The following ADGRL2 variants were observed in gnomAD, a reference collection of about 807,000 sequenced individuals.
ADGRL2 encodes calcium-independent alpha-latrotoxin receptor 2.
ADGRL2 carries 44 observed loss-of-function variants against 157.4 expected under a neutral mutation model. The ratio of observed to expected loss-of-function variants is 0.28; its 90% CI spans 0.22 to 0.36. The LOEUF (loss-of-function observed/expected upper bound fraction) is 0.36, where lower values mean the gene tolerates loss of function less well. Among genes scored for constraint, ADGRL2 ranks in the 10% least tolerant of loss-of-function variants. The pLI is 1.00. For synonymous variants in ADGRL2, 585 were observed against 624.7 expected, an observed-to-expected ratio of 0.94 and a Z score of 0.95; for missense variants, 1,510 against 1,768.9, an observed-to-expected ratio of 0.85 and a Z score of 2.63.
chr1:81,654,503 A>C (rs1243119362), intron 3 of ADGRL2, among the ~76,000 whole-genome samples: 6 of 152,084 alleles, frequency 3.9e-5, no homozygotes, highest in Admixed American at 3.9e-4. Context: ...TAAAAGACAA[A>C]TCTTTCTCAA....
intron 2 of ADGRL2, among the ~76,000 whole-genome samples, chr1:81,535,995 TAC>T (rs1472106314): frequency 2.6e-5 from 4 of 152,214 alleles, no homozygotes; most frequent in Non-Finnish European, 4.4e-5. Flanking sequence ...AAGTCATATT[TAC>T]ACAGATTCAA....
chr1:81,904,278 T>G, intron 2 of ADGRL2, among the ~76,000 whole-genome samples: 1 of 152,302 alleles, frequency 6.6e-6, no homozygotes, highest in Non-Finnish European at 1.5e-5. Flanking sequence ...AAGATTAATA[T>G]ATCTGCATAT....
intron 2 of ADGRL2, among the ~76,000 whole-genome samples, chr1:81,543,623 G>A (rs1172340605): frequency 6.6e-6 from 1 of 152,058 alleles, no homozygotes; most frequent in African/African-American, 2.4e-5. Context: ...CTTTCACTGG[G>A]TTACTACGAT....
intron 2 of ADGRL2, among the ~76,000 whole-genome samples, chr1:81,838,523 A>C (rs1288897842): frequency 1.3e-5 from 2 of 152,034 alleles, no homozygotes; most frequent in Admixed American, 1.3e-4. Flanking sequence ...TAATAATATA[A>C]ATTTCTGGCT....
intron 1 of ADGRL2, among the ~76,000 whole-genome samples, chr1:81,392,205 A>G (rs933306835): frequency 8.4e-5 from 11 of 131,078 alleles, no homozygotes; most frequent in African/African-American, 1.3e-4. Flanking sequence ...TGCCTCTCAC[A>G]CTTCCTCCTA....
At chr1:81,900,957 A>G (rs2094474453) in intron 2 of ADGRL2, among the ~76,000 whole-genome samples, 1 of 152,188 alleles carries the variant, frequency 6.6e-6, no homozygotes, top group African/African-American at 2.4e-5. Flanking sequence ...ACAGTGAGCA[A>G]AGGTATAAGC....
At chr1:81,987,187 A>C (rs181197824) in intron 22 of ADGRL2, 158 bp downstream of exon 22, 245 of 1,296,612 alleles carry the variant, frequency 1.9e-4, no homozygotes, top group Non-Finnish European at 2.5e-4. Flanking sequence ...CCAGGCTTCT[A>C]AAACTGCACT....
intron 11 of ADGRL2, among the ~76,000 whole-genome samples, chr1:81,957,890 G>T (rs1654084414): frequency 6.6e-6 from 1 of 151,670 alleles, no homozygotes; most frequent in Non-Finnish European, 1.5e-5. Flanking sequence ...TTACGGCCGG[G>T]CATGGTGGCT....
intron 2 of ADGRL2, among the ~76,000 whole-genome samples, chr1:81,533,946 C>A (rs889286998): frequency 6.6e-6 from 1 of 152,016 alleles, no homozygotes; most frequent in Non-Finnish European, 1.5e-5. Context: ...AAGGAAAGCA[C>A]CTGGGCTACG....
intron 1 of ADGRL2, among the ~76,000 whole-genome samples, chr1:81,383,607 T>C (rs557397323): frequency 1.1e-4 from 16 of 151,478 alleles, no homozygotes; most frequent in African/African-American, 3.9e-4. Flanking sequence ...GGCCTTTATA[T>C]TACTCAGTCT....
At chr1:81,808,533 C>T (rs1026409630) in intron 1 of ADGRL2, among the ~76,000 whole-genome samples, 1 of 151,796 alleles carries the variant, frequency 6.6e-6, no homozygotes, top group African/African-American at 2.4e-5. Flanking sequence ...CTGGCATATT[C>T]TCATTTATTT....
chr1:81,647,764 C>A (rs914590991), intron 3 of ADGRL2, among the ~76,000 whole-genome samples: 2 of 152,158 alleles, frequency 1.3e-5, no homozygotes, highest in South Asian at 4.1e-4. Flanking sequence ...TTTTGACTTA[C>A]AAAATGGATG....
chr1:81,834,177 A>G (rs972977682), intron 1 of ADGRL2, among the ~76,000 whole-genome samples: 4 of 152,154 alleles, frequency 2.6e-5, no homozygotes, highest in Admixed American at 2.6e-4. Context: ...CTACCCTCCC[A>G]GTTCCTCCCC....
At chr1:81,482,302 G>A (rs917810780) in intron 2 of ADGRL2, among the ~76,000 whole-genome samples, 1 of 152,130 alleles carries the variant, frequency 6.6e-6, no homozygotes, top group African/African-American at 2.4e-5. Flanking sequence ...TCTTGCAAAA[G>A]TCCTAATGGA....
At chr1:81,359,000 A>G (rs528672074) in intron 1 of ADGRL2, among the ~76,000 whole-genome samples, 1 of 152,202 alleles carries the variant, frequency 6.6e-6, no homozygotes, top group East Asian at 1.9e-4. Context: ...AAGAGAATCC[A>G]GGGAAAGGAA....
At chr1:81,540,301 G>GA (rs1164622435) in intron 2 of ADGRL2, among the ~76,000 whole-genome samples, 4 of 151,364 alleles carry the variant, frequency 2.6e-5, no homozygotes, top group East Asian at 3.9e-4. Flanking sequence ...GGAATTTAAT[G>GA]GAAAAAAAAT....
chr1:81,591,957 C>T (rs1403980670), intron 3 of ADGRL2, among the ~76,000 whole-genome samples: 1 of 152,188 alleles, frequency 6.6e-6, no homozygotes, highest in Admixed American at 6.5e-5. Context: ...TTAACTAAGA[C>T]ATCCCTGGAC....
chr1:81,579,963 T>C (rs533922833), intron 2 of ADGRL2, among the ~76,000 whole-genome samples: 1 of 152,264 alleles, frequency 6.6e-6, no homozygotes, highest in Non-Finnish European at 1.5e-5. Flanking sequence ...TCGTTAAGCA[T>C]GGAAAGAATA....
intron 1 of ADGRL2, among the ~76,000 whole-genome samples, chr1:81,318,360 C>T (rs1660254959): frequency 6.6e-6 from 1 of 151,984 alleles, no homozygotes; most frequent in Admixed American, 6.5e-5. Flanking sequence ...TTTGTTATTC[C>T]ATAAAAAGGA....
Sources: allele counts gnomAD v4.1 joint callset (sites outside exome capture counted in the v4.1 genomes callset), GRCh38; gene constraint gnomAD v4.1.1; transcripts MANE v1.5; gene names NCBI Gene and HGNC (gene_info 2026-07-23, HGNC 2026-07-21).